LRCH4: variants seen among roughly 807,000 people sequenced by gnomAD.
LRCH4 encodes the protein leucine-rich repeat and calponin homology domain-containing protein 4.
LRCH4 carries 56 observed loss-of-function variants against 81.2 expected under a neutral mutation model. The ratio of observed to expected loss-of-function variants is 0.69; its 90% CI spans 0.56 to 0.86. The LOEUF is 0.86. Among genes scored for constraint, LRCH4 ranks in the 40% least tolerant of loss-of-function variants. The pLI is 0.00. For missense variants in LRCH4, 895 were observed against 922.8 expected, an observed-to-expected ratio of 0.97 and a Z score of 0.39; for synonymous variants, 442 against 409.7, an observed-to-expected ratio of 1.08 and a Z score of -0.95.
Position 100,574,994 on chromosome 7 carries a change from G to A in LRCH4, c.*113C>T, listed in dbSNP as rs764710042. ...TCTGAGGTCAGTGTCTGTGAAGGGG[G>A]TGCACTAGTGTCTTTGGTTGGGGCT... On this transcript the variant is annotated 3_prime_UTR_variant, in exon 18 of 18. Coordinates refer to ENST00000310300, the MANE Select transcript of LRCH4 (RefSeq NM_002319.5). The A allele has an allele frequency of 4.0e-6, 4 of 995,950 alleles. No individual in the cohort carries two copies. Among genetic ancestry groups the A allele is most frequent in the Middle Eastern group, 3.3e-4 (1 of 3,040 alleles). 61.7% of individuals were successfully genotyped at this position (995,950 alleles called of 1,614,324 possible).
Position 100,574,882 on chromosome 7 carries a change from T to C in LRCH4, c.*225A>G. The C allele has an allele frequency of 2.0e-6, 1 of 493,370 alleles. No individual in the cohort carries two copies. Among genetic ancestry groups the C allele is most frequent in the Non-Finnish European group, 3.6e-6 (1 of 276,576 alleles). The allele number at this position is 493,370 out of a possible 1,614,324, so 30.6% of individuals were successfully genotyped here. On this transcript the variant is annotated 3_prime_UTR_variant, in exon 18 of 18. Transcript: ENST00000310300. ...GGCCGGCGGGGACATGAAGGCACCG[T>C]CAGCACTGAGAGGTGGGGACTCGTG... is the stretch of plus-strand genomic sequence containing the variant.
At chr7:100,584,568 G>A (rs953789691) in intron 1 of LRCH4, 1 of 399,602 alleles carries the variant, frequency 2.5e-6, no homozygotes, top group Non-Finnish European at 5.1e-6. Flanking sequence ...GAAGGGAACA[G>A]ACAGTGAGTG....
At chr7:100,576,187 A>G (rs1346809965) in intron 15 of LRCH4, 51 bp downstream of exon 15, 3 of 1,580,332 alleles carry the variant, frequency 1.9e-6, no homozygotes. Flanking sequence ...CAGCAACACA[A>G]GGAGGTGCCC....
intron 1 of LRCH4, chr7:100,584,139 C>G (rs1801643246): frequency 2.2e-6 from 1 of 455,412 alleles, no homozygotes; most frequent in African/African-American, 2.0e-5. Flanking sequence ...TCAAGGCAGT[C>G]CGGGCAGCAA....
Position 100,582,542 on chromosome 7 carries a change from A to G in LRCH4, c.221-83T>C. On this transcript the variant is annotated intron_variant, in intron 1 of 17. Transcript: ENST00000310300. The surrounding 1 kb of genome is among the most constrained non-coding windows in gnomAD (Gnocchi z 5.0). ...TCAGTCCCCCCAGAGCCGGCTGCCC[A>G]CTCCCTCACCTCCACACCTAAAGAT... 1 of 1,388,012 alleles carries G rather than the reference A, an allele frequency of 7.2e-7. No homozygotes were observed. Among genetic ancestry groups the G allele is most frequent in the Non-Finnish European group, 9.9e-7 (1 of 1,014,618 alleles). 86.0% of individuals were successfully genotyped at this position (1,388,012 alleles called of 1,614,324 possible).
intron 4 of LRCH4, chr7:100,580,443 C>CAAAA (rs762746970): frequency 1.4e-5 from 2 of 143,732 alleles, no homozygotes; most frequent in Non-Finnish European, 3.1e-5. Flanking sequence ...CACACACACA[C>CAAAA]ACAAAACCCA....
rs1801270925 is a variant in LRCH4, at chr7:100,574,557, C to G, written c.*550G>C. The G allele has an allele frequency of 6.6e-6, 1 of 152,484 alleles. No homozygotes were observed. The highest frequency in any genetic ancestry group is 1.5e-5 in the Non-Finnish European group (1 of 68,254). 9.4% of individuals were successfully genotyped at this position (152,484 alleles called of 1,614,324 possible). A position where few individuals can be genotyped will look rare whatever the true frequency, so the allele number is the denominator to read the frequency against. The stretch of plus-strand genomic sequence containing the variant: ...CTCCGGGAGCATGAGAGGCCGGCAT[C>G]TCAGGAGGGAGATGCTGGTGGGCAC... On this transcript the variant is annotated 3_prime_UTR_variant, in exon 18 of 18. Transcript: ENST00000310300.
In LRCH4 at chr7:100,586,063, C is replaced by T; in HGVS notation, c.38G>A (p.Gly13Asp). Residue 13 changes from glycine to aspartate, a missense_variant, in exon 1 of 18, where the codon GGT becomes GAT. Around this residue, in one of 3 missense-constraint regions of LRCH4, gnomAD observed 360 missense variants for 397.0 expected, o/e 0.91. Transcript: ENST00000310300. ...GGAGGTCGTGGCTGCCGCCTCCTCA[C>T]CCCCGGCGGCGAGTGGAGCCGCTAC... ...AAVAAPLAAG[G>D]EEAAATTSVP... The T allele has an allele frequency of 1.3e-6, 2 of 1,563,164 alleles. No homozygotes were observed. The highest frequency in any genetic ancestry group is 2.7e-5 in the African/African-American group (2 of 73,188).
rs1028385012 is a variant in LRCH4, at chr7:100,574,879, C to T, written c.*228G>A. 2.1e-6 allele frequency: 1 copy of T among 472,016 alleles called. No homozygotes were observed. Among genetic ancestry groups the T allele is most frequent in the Non-Finnish European group, 3.8e-6 (1 of 264,870 alleles). The allele number at this position is 472,016 out of a possible 1,614,324, so 29.2% of individuals were successfully genotyped here. Reference sequence around the variant, plus strand: ...CAGGGCCGGCGGGGACATGAAGGCACCGTCAGCACTGAGAGGTGGGGACTC... The same window carrying T: ...CAGGGCCGGCGGGGACATGAAGGCATCGTCAGCACTGAGAGGTGGGGACTC... On this transcript the variant is annotated 3_prime_UTR_variant, in exon 18 of 18. Coordinates refer to ENST00000310300, the MANE Select transcript of LRCH4 (RefSeq NM_002319.5).
At chr7:100,580,869 AACAC>A (rs978987068) in intron 4 of LRCH4, 1 of 151,492 alleles carries the variant, frequency 6.6e-6, no homozygotes, top group Non-Finnish European at 1.5e-5. Flanking sequence ...CACATACACA[AACAC>A]ATACATACAC....
chr7:100,578,332 G>C lies in LRCH4; in HGVS notation c.848+67C>G. 2 of 1,596,610 alleles carry C rather than the reference G, an allele frequency of 1.3e-6. No homozygotes were observed. Among genetic ancestry groups the C allele is most frequent in the South Asian group, 1.1e-5 (1 of 90,718 alleles). ...CCCCATCCTCCTGCCAGAAAGCAGG[G>C]GGTGCCTGGGGCCGGGAAGGGGCAT... On this transcript the variant is annotated intron_variant, in intron 6 of 17. Transcript: ENST00000310300. This position sits in a 1 kb window ranked among gnomAD's most constrained non-coding sequence, Gnocchi z 5.7.
In LRCH4 at chr7:100,578,520, G is replaced by C. The variant is rs751849257; in HGVS notation, c.736-9C>G. On this transcript the variant is annotated splice_polypyrimidine_tract_variant and intron_variant, in intron 5 of 17. Transcript: ENST00000310300. This position sits in a 1 kb window ranked among gnomAD's most constrained non-coding sequence, Gnocchi z 5.7. ...TTCCCCTTCAGGCAGACCTGTGTGC[G>C]GGGCAGCACACGCCAGGGAGTTGGC... 32 of 1,610,232 alleles carry C rather than the reference G, an allele frequency of 2.0e-5. No homozygotes were observed. The highest frequency in any genetic ancestry group is 2.7e-5 in the African/African-American group (2 of 74,866).
Position 100,586,015 on chromosome 7 carries a change from G to T in LRCH4, c.86C>A (p.Pro29Gln). The T allele has an allele frequency of 6.2e-7, 1 of 1,606,958 alleles. No homozygotes were observed. Among genetic ancestry groups the T allele is most frequent in the East Asian group, 2.2e-5 (1 of 44,446 alleles). Reference sequence around the variant, plus strand: ...GGCCCGCTCTGCACTGCGTCTCCCCGGCAGACCTGGAGACCCGGGCACGGA... The same window carrying T: ...GGCCCGCTCTGCACTGCGTCTCCCCTGCAGACCTGGAGACCCGGGCACGGA... ...TTSVPGSPGL[P>Q]GRRSAERALE... The change falls in exon 1 of 18, where the codon CCG (proline) becomes CAG (glutamine). Residue 29 changes from proline (P) to glutamine (Q), a missense_variant. By Grantham distance (76) the Pro-to-Gln change is moderately conservative. Around this residue, in one of 3 missense-constraint regions of LRCH4, gnomAD observed 360 missense variants for 397.0 expected, o/e 0.91. Transcript: ENST00000310300.
rs769820187 is a variant in LRCH4 at position 100,577,108 on chromosome 7, C to T, written c.1342G>A (p.Val448Met). 64 of 1,614,004 alleles carry T rather than the reference C, an allele frequency of 4.0e-5. No individual in the cohort carries two copies. Among genetic ancestry groups the T allele is most frequent in the East Asian group, 3.3e-4 (15 of 44,888 alleles). Residue 448 changes from valine to methionine, a missense_variant, in exon 12 of 18, where the codon GTG becomes ATG. Coordinates refer to ENST00000310300, the MANE Select transcript of LRCH4 (RefSeq NM_002319.5). This position sits in a 1 kb window ranked among gnomAD's most constrained non-coding sequence, Gnocchi z 6.7. ...TACTTGTGCATGGCTTGAGTGGACA[C>T]GGCGGCGGCCCCTCCCACAACAGCC... ...LRAVVGGAAA[V>M]STQAMHNGSP...
chr7:100,581,909 G>A, intron 3 of LRCH4, 27 bp from the exon 4 acceptor site: 3 of 1,612,760 alleles, frequency 1.9e-6, no homozygotes, highest in Non-Finnish European at 2.5e-6. Context: ...AGTGGGAAGG[G>A]GCCATGAGAC....
Position 100,574,842 on chromosome 7 carries a change from A to G in LRCH4, c.*265T>C. On this transcript the variant is annotated 3_prime_UTR_variant, in exon 18 of 18. Coordinates refer to ENST00000310300, the MANE Select transcript of LRCH4 (RefSeq NM_002319.5). ...GCTCCTGCCACCCCTCACGGGGTACAGAGGGCAGGGGCAGGGCCGGCGGGG... is the reference window on the plus strand; with the variant it reads ...GCTCCTGCCACCCCTCACGGGGTACGGAGGGCAGGGGCAGGGCCGGCGGGG... 1 of 418,444 alleles carries G rather than the reference A, an allele frequency of 2.4e-6. No individual in the cohort carries two copies. The highest frequency in any genetic ancestry group is 6.2e-4 in the Middle Eastern group (1 of 1,604). The allele number at this position is 418,444 out of a possible 1,614,324, so 25.9% of individuals were successfully genotyped here.
In LRCH4 at chr7:100,576,958, T is replaced by C; in HGVS notation, c.1412A>G (p.Gln471Arg). The change falls in exon 13 of 18, where the codon CAG becomes CGG. Residue 471 changes from glutamine (Q) to arginine (R), a missense_variant. Around this residue, in one of 3 missense-constraint regions of LRCH4, gnomAD observed 529 missense variants for 504.9 expected, o/e 1.05. Transcript: ENST00000310300. ...GGCAGGGGCAGGGGCGGGGGCTCCCTGCCCCGCTGCAGCCCCTGCTTGGGA... is the reference window on the plus strand; with the variant it reads ...GGCAGGGGCAGGGGCGGGGGCTCCCCGCCCCGCTGCAGCCCCTGCTTGGGA... Reference protein sequence around the residue: ...SASQAGAAAGQGAPAPAPASQ... With the variant: ...SASQAGAAAGRGAPAPAPASQ... The C allele has an allele frequency of 6.3e-7, 1 of 1,587,046 alleles. No homozygotes were observed. The highest frequency in any genetic ancestry group is 8.6e-7 in the Non-Finnish European group (1 of 1,164,558).
intron 14 of LRCH4, 21 bp from the exon 15 acceptor site, chr7:100,576,344 T>C (rs910097484): frequency 1.7e-5 from 26 of 1,573,812 alleles, no homozygotes; most frequent in Non-Finnish European, 2.3e-5. Context: ...AAGGGGGGCA[T>C]GGGGCTGCCT....
Position 100,577,695 on chromosome 7 carries a change from G to T in LRCH4, c.1085C>A (p.Pro362His). 6.2e-7 allele frequency: 1 copy of T among 1,613,986 alleles called. No individual in the cohort carries two copies. Reference protein sequence around the residue: ...VQIDFIDSHVPGEDEERGTVE... With the variant: ...VQIDFIDSHVHGEDEERGTVE... ...AGTGCCTCGCTCTTCATCCTCCCCG[G>T]GGACATGGCTGTCGATGAAGTCAAT... Residue 362 changes from proline to histidine, a missense_variant, in exon 9 of 18, where the codon CCC becomes CAC. By Grantham distance (77) the Pro-to-His change is moderately conservative (BLOSUM62 -2). Transcript: ENST00000310300. This position sits in a 1 kb window ranked among gnomAD's most constrained non-coding sequence, Gnocchi z 6.7.
Sources: allele counts gnomAD v4.1 joint callset, GRCh38; gene constraint gnomAD v4.1.1; regional missense constraint gnomAD v4.1.1; non-coding constraint Gnocchi (gnomAD v3.1); transcripts MANE v1.5; gene names NCBI Gene and HGNC (gene_info 2026-07-23, HGNC 2026-07-21).